The following ABCA12 variants were observed in gnomAD, a reference collection of about 807,000 sequenced individuals.
ABCA12 encodes ATP binding cassette subfamily A member 12, also known as glucosylceramide transporter ABCA12.
ABCA12 carries 156 observed loss-of-function variants against 293.5 expected under a neutral mutation model. The observed-to-expected ratio is 0.53, with a 90% CI of 0.47 to 0.61. The LOEUF (loss-of-function observed/expected upper bound fraction) is 0.61. Among genes scored for constraint, ABCA12 ranks in the 20% least tolerant of loss-of-function variants. ABCA12 has a pLI of 0.00. For missense variants in ABCA12, 2,797 were observed against 3,090.2 expected (o/e 0.91, Z 2.25); for synonymous variants, 1,063 against 1,108.0 (o/e 0.96, Z 0.81).
intron 44 of ABCA12, 95 bp from the exon 45 acceptor site, chr2:214,951,178 T>A: frequency 9.1e-7 from 1 of 1,094,238 alleles, no homozygotes; most frequent in Non-Finnish European, 1.4e-6. Flanking sequence ...ACTAACAGTG[T>A]ACTAGTCATC....
chr2:214,976,762 G>A (rs915094439), intron 33 of ABCA12, among the ~76,000 whole-genome samples: 1 of 151,950 alleles, frequency 6.6e-6, no homozygotes, highest in African/African-American at 2.4e-5. Context: ...TGCTTTTCTA[G>A]TGCTGAGAAA....
At chr2:215,028,541 A>T (rs1700801361) in intron 9 of ABCA12, among the ~76,000 whole-genome samples, 1 of 152,230 alleles carries the variant, frequency 6.6e-6, no homozygotes, top group Non-Finnish European at 1.5e-5. Flanking sequence ...AGTGAGCTTC[A>T]TTATTTATCA....
rs371533143 is a variant in ABCA12, at chr2:214,949,357, A to AATATAT, written c.6853-214_6853-209dup. Among the ~76,000 whole-genome samples the AATATAT allele has an allele frequency of 8.9e-5, 13 of 145,434 alleles. No individual in the cohort carries two copies. In the South Asian group the frequency reaches 1.4e-3, roughly 15 times the overall value. On this transcript the variant is annotated intron_variant, in intron 45 of 52. Coordinates refer to ENST00000272895, the MANE Select transcript of ABCA12 (RefSeq NM_173076.3). ...GTATTCTTTTTCCTTTAACCATCTG[A>AATATAT]ATATATATATATATATATATACACA...
At chr2:214,954,299 A>G (rs1406196596) in intron 43 of ABCA12, among the ~76,000 whole-genome samples, 192 bp from the exon 44 acceptor site, 4 of 152,166 alleles carry the variant, frequency 2.6e-5, no homozygotes, top group Non-Finnish European at 5.9e-5. Context: ...TCACTGAAAT[A>G]CAAGCAGAAA....
intron 15 of ABCA12, among the ~76,000 whole-genome samples, chr2:215,014,943 A>G (rs1481932219): frequency 1.3e-5 from 2 of 152,202 alleles, no homozygotes; most frequent in African/African-American, 4.8e-5. Flanking sequence ...CTCATAGAGC[A>G]TCTGCATATT....
At chr2:215,024,800 G>T (rs1264587582) in intron 11 of ABCA12, among the ~76,000 whole-genome samples, 1 of 151,688 alleles carries the variant, frequency 6.6e-6, no homozygotes, top group Non-Finnish European at 1.5e-5. Context: ...ATTCTTTCTA[G>T]GAATACAGCT....
intron 1 of ABCA12, among the ~76,000 whole-genome samples, chr2:215,131,463 G>A (rs1703053866): frequency 6.6e-6 from 1 of 151,416 alleles, no homozygotes; most frequent in Non-Finnish European, 1.5e-5. Flanking sequence ...TTTAATCTTG[G>A]GGGTTGTATG....
In ABCA12 at chr2:215,007,746, T is replaced by A; in HGVS notation, c.2573A>T (p.Gln858Leu). The A allele has an allele frequency of 6.2e-7, 1 of 1,614,042 alleles. No homozygotes were observed. The highest frequency in any genetic ancestry group is 1.1e-5 in the South Asian group (1 of 91,078). ...TCATACCTGGAGCATTGGAATTGCC[T>A]GGTTTAACAGATGGAAGGAATTCAT... is the stretch of plus-strand genomic sequence containing the variant. ...LFMNSFHLLN[Q>L]AIPMLQNTLR... is the part of the protein sequence containing the mutation. The change falls in exon 19 of 53, where the codon CAG becomes CTG. Residue 858 changes from glutamine to leucine, a missense_variant. By Grantham distance (113) the Gln-to-Leu change is moderately radical. Around this residue, in one of 3 missense-constraint regions of ABCA12, gnomAD observed 2,130 missense variants for 2,427.0 expected, o/e 0.88. Transcript: ENST00000272895.
chr2:214,970,031 A>T (rs926513223), intron 37 of ABCA12, among the ~76,000 whole-genome samples: 2 of 152,008 alleles, frequency 1.3e-5, no homozygotes, highest in Non-Finnish European at 2.9e-5. Flanking sequence ...GAAAAAAAAA[A>T]TATGTACAAA....
At chr2:215,009,302 C>CA (rs1700321615) in intron 18 of ABCA12, among the ~76,000 whole-genome samples, 1 of 151,912 alleles carries the variant, frequency 6.6e-6, no homozygotes, top group Non-Finnish European at 1.5e-5. Context: ...GAGAGGGGAA[C>CA]AGAAGGGTGG....
At chr2:215,087,915 G>A (rs894007269) in intron 2 of ABCA12, among the ~76,000 whole-genome samples, 1 of 152,198 alleles carries the variant, frequency 6.6e-6, no homozygotes, top group African/African-American at 2.4e-5. Context: ...ACCCTTGCAA[G>A]ACAGCTGTCT....
chr2:215,057,703 AG>A (rs1164573908), intron 3 of ABCA12, among the ~76,000 whole-genome samples: 1 of 152,078 alleles, frequency 6.6e-6, no homozygotes. Flanking sequence ...GTTGGCAGAT[AG>A]TAGGATGTTT....
At chr2:215,072,331 C>G (rs1701753992) in intron 2 of ABCA12, among the ~76,000 whole-genome samples, 2 of 152,094 alleles carry the variant, frequency 1.3e-5, no homozygotes, top group African/African-American at 4.8e-5. Context: ...TTTTTTGTAC[C>G]TTGAGACTCT....
intron 2 of ABCA12, among the ~76,000 whole-genome samples, chr2:215,102,385 GGTCAGGAGTT>G (rs1320531379): frequency 6.6e-6 from 1 of 152,174 alleles, no homozygotes; most frequent in African/African-American, 2.4e-5. Context: ...AATCACTTGA[GGTCAGGAGTT>G]CGAAACCAGC....
chr2:215,085,208 A>G (rs1422752042), intron 2 of ABCA12, among the ~76,000 whole-genome samples: 1 of 152,196 alleles, frequency 6.6e-6, no homozygotes, highest in Non-Finnish European at 1.5e-5. Flanking sequence ...ATAAAGCCCA[A>G]TTCTCAGTAA....
At chr2:214,992,790 G>T (rs1175641210) in intron 23 of ABCA12, among the ~76,000 whole-genome samples, 1 of 151,422 alleles carries the variant, frequency 6.6e-6, no homozygotes, top group African/African-American at 2.4e-5. Context: ...GAACCCAGGA[G>T]GTGGAGGTTG....
rs1700129954 is a variant in ABCA12, at chr2:215,000,923, C to T, written c.2961G>A (p.Met987Ile). 6.2e-7 allele frequency: 1 copy of T among 1,613,960 alleles called. No individual in the cohort carries two copies. Among genetic ancestry groups the T allele is most frequent in the South Asian group, 1.1e-5 (1 of 91,080 alleles). ...TTGTGGTCTGTGCGGTCTTGAGACT[C>T]ATCCGGATGGTATATTTTATGACAG... is the stretch of plus-strand genomic sequence containing the variant. Reference protein sequence around the residue: ...LPPVIKYTIRMSLKTAQTTRS... With the variant: ...LPPVIKYTIRISLKTAQTTRS... Residue 987 changes from methionine to isoleucine, a missense_variant, in exon 22 of 53, where the codon ATG becomes ATA. By Grantham distance (10) the Met-to-Ile change is conservative. Coordinates refer to ENST00000272895, the MANE Select transcript of ABCA12 (RefSeq NM_173076.3).
chr2:215,064,088 CA>C lies in ABCA12; in HGVS notation c.294del (p.Ile98MetfsTer12). The C allele has an allele frequency of 6.2e-7, 1 of 1,612,838 alleles. No individual in the cohort carries two copies. Among genetic ancestry groups the C allele is most frequent in the East Asian group, 2.2e-5 (1 of 44,832 alleles). On this transcript the variant is annotated frameshift_variant, in exon 3 of 53. Coordinates refer to ENST00000272895, the MANE Select transcript of ABCA12 (RefSeq NM_173076.3). LOFTEE classifies it high-confidence loss of function. Reference protein sequence around the residue: ...GPQDLLRRKGIDDALFKDSEI... With the variant: ...GPQDLLRRKGXDDALFKDSEI... ...CACCTGTCTTTAAATAGTGCATCAT[CA>C]ATTCCTTTCCTACGAAGCAGATCTT...
chr2:215,041,656 A>C (rs1484990879), intron 7 of ABCA12, among the ~76,000 whole-genome samples: 3 of 152,174 alleles, frequency 2.0e-5, no homozygotes, highest in Non-Finnish European at 4.4e-5. Flanking sequence ...GCAATCTCAC[A>C]TCTGGATTCT....
Sources: allele counts gnomAD v4.1 joint callset (sites outside exome capture counted in the v4.1 genomes callset), GRCh38; gene constraint gnomAD v4.1.1; regional missense constraint gnomAD v4.1.1; transcripts MANE v1.5; gene names NCBI Gene and HGNC (gene_info 2026-07-23, HGNC 2026-07-21).